The following NVL variants were observed in gnomAD, a reference collection of about 807,000 sequenced individuals.
NVL encodes the protein nuclear valosin-containing protein-like.
NVL carries 84 observed loss-of-function variants against 110.2 expected under a neutral mutation model. The ratio of observed to expected loss-of-function variants is 0.76; its 90% CI spans 0.64 to 0.91. The LOEUF is 0.91. Among genes scored for constraint, NVL ranks in the 40% least tolerant of loss-of-function variants. The pLI is 0.00. For synonymous variants in NVL, 354 were observed against 361.1 expected (o/e 0.98, Z 0.22); for missense variants, 882 against 1,035.9 (o/e 0.85, Z 2.04).
At chr1:224,329,154 TGA>T (rs1282530805) in intron 1 of NVL, among the ~76,000 whole-genome samples, 1 of 151,978 alleles carries the variant, frequency 6.6e-6, no homozygotes, top group Non-Finnish European at 1.5e-5. Flanking sequence ...GAGGGTGCAG[TGA>T]GTTATGATTG....
At chr1:224,282,403 T>A (rs1341323365) in intron 15 of NVL, among the ~76,000 whole-genome samples, 1 of 152,240 alleles carries the variant, frequency 6.6e-6, no homozygotes, top group Non-Finnish European at 1.5e-5. Context: ...TTTATAGCCC[T>A]AGTTTGGAAT....
chr1:224,236,660 C>T (rs1660517874), intron 19 of NVL, 78 bp from the exon 20 acceptor site: 1 of 1,236,678 alleles, frequency 8.1e-7, no homozygotes, highest in South Asian at 1.2e-5. Flanking sequence ...CTTGTAATCC[C>T]AGCACTTTGG....
intron 8 of NVL, 112 bp downstream of exon 8, chr1:224,304,624 C>G: frequency 2.2e-6 from 2 of 893,640 alleles, no homozygotes; most frequent in Non-Finnish European, 3.6e-6. Flanking sequence ...TCTCAACCTT[C>G]CCAGTTTCCT....
chr1:224,302,279 C>T (rs1344117356), intron 9 of NVL, among the ~76,000 whole-genome samples: 2 of 151,938 alleles, frequency 1.3e-5, no homozygotes, highest in Admixed American at 6.6e-5. Context: ...CTTGGCTCAC[C>T]GCGACCTCCG....
chr1:224,259,553 T>A (rs1663715347), intron 18 of NVL, among the ~76,000 whole-genome samples: 11 of 152,218 alleles, frequency 7.2e-5, no homozygotes, highest in Admixed American at 7.2e-4. Context: ...CTAGCAACAC[T>A]ATAAATATAT....
intron 19 of NVL, among the ~76,000 whole-genome samples, chr1:224,239,429 G>A (rs1660904248): frequency 6.6e-6 from 1 of 152,140 alleles, no homozygotes; most frequent in African/African-American, 2.4e-5. Flanking sequence ...ATGAAGACTA[G>A]CGTAGACTTT....
At chr1:224,236,406 C>T in intron 20 of NVL, 100 bp downstream of exon 20, 1 of 870,092 alleles carries the variant, frequency 1.1e-6, no homozygotes, top group Admixed American at 1.9e-5. Context: ...CTCATTTAAT[C>T]CTCCCAACAA....
chr1:224,243,336 C>T (rs1416646334), intron 19 of NVL, among the ~76,000 whole-genome samples: 3 of 151,822 alleles, frequency 2.0e-5, no homozygotes, highest in Admixed American at 6.6e-5. Context: ...TGGCACGTTC[C>T]TGTAGTCCCA....
At chr1:224,244,499 T>TCTCC (rs1661578277) in intron 19 of NVL, among the ~76,000 whole-genome samples, 1 of 151,734 alleles carries the variant, frequency 6.6e-6, no homozygotes, top group South Asian at 2.1e-4. Flanking sequence ...TGAGGTGGAG[T>TCTCC]CTCCCTCTGT....
At chr1:224,280,179 GT>G (rs1367873488) in intron 16 of NVL, among the ~76,000 whole-genome samples, 98 of 123,308 alleles carry the variant, frequency 7.9e-4, no homozygotes, top group East Asian at 1.3e-3. Flanking sequence ...GTTTTTTTTT[GT>G]TTTTTTTTTT....
At chr1:224,238,721 C>G (rs1660813449) in intron 19 of NVL, among the ~76,000 whole-genome samples, 1 of 152,132 alleles carries the variant, frequency 6.6e-6, no homozygotes, top group Non-Finnish European at 1.5e-5. Context: ...AAACAATTTT[C>G]AACCGAGTCA....
chr1:224,302,007 C>T (rs555872833), intron 9 of NVL, among the ~76,000 whole-genome samples: 6 of 152,036 alleles, frequency 3.9e-5, no homozygotes, highest in Non-Finnish European at 8.8e-5. Context: ...ATATGAATGA[C>T]TGTTTAATGT....
At position 224,275,465 on chromosome 1, in the gene NVL, A is replaced by G. The variant is rs752248863; in HGVS notation, c.1963-7T>C. ...GTTCACTCTCACCAACATACTAAACATACACAGAAAGGAAATAAAATACCA... is the reference window on the plus strand; with the variant it reads ...GTTCACTCTCACCAACATACTAAACGTACACAGAAAGGAAATAAAATACCA... On this transcript the variant is annotated splice_region_variant and splice_polypyrimidine_tract_variant and intron_variant, in intron 16 of 22. Transcript: ENST00000281701. The G allele has an allele frequency of 2.5e-6, 4 of 1,614,098 alleles. No homozygotes were observed. In the South Asian group the frequency reaches 3.3e-5, roughly 13 times the overall value.
At chr1:224,318,956 TC>T (rs1670359066) in intron 2 of NVL, among the ~76,000 whole-genome samples, 1 of 146,620 alleles carries the variant, frequency 6.8e-6, no homozygotes, top group South Asian at 2.1e-4. Context: ...GCCACTGCAC[TC>T]CAGCCTGGGC....
At chr1:224,239,944 C>T (rs1319867988) in intron 19 of NVL, among the ~76,000 whole-genome samples, 1 of 152,100 alleles carries the variant, frequency 6.6e-6, no homozygotes, top group Non-Finnish European at 1.5e-5. Flanking sequence ...TGTCACCAGG[C>T]TGGAGTGCAG....
chr1:224,281,312 T>TGTGA (rs1045612378), intron 15 of NVL, 127 bp from the exon 16 acceptor site: 45 of 748,960 alleles, frequency 6.0e-5, no homozygotes, highest in Non-Finnish European at 7.7e-5. Context: ...TGTGTGTGTG[T>TGTGA]GAGATTTAGA....
chr1:224,289,811 A>C, intron 12 of NVL, 78 bp from the exon 13 acceptor site: 1 of 1,411,344 alleles, frequency 7.1e-7, no homozygotes, highest in East Asian at 2.4e-5. Flanking sequence ...ATTTATTTGA[A>C]GTCCTTCACG....
chr1:224,329,861 C>T (rs1439004572), intron 1 of NVL, among the ~76,000 whole-genome samples: 1 of 152,166 alleles, frequency 6.6e-6, no homozygotes, highest in African/African-American at 2.4e-5. Flanking sequence ...ACCCTCCCAC[C>T]ATCCCCGGCT....
chr1:224,241,248 G>A (rs989437216), intron 19 of NVL, among the ~76,000 whole-genome samples: 1 of 152,156 alleles, frequency 6.6e-6, no homozygotes, highest in African/African-American at 2.4e-5. Context: ...TTATGTTTCT[G>A]ACTTATAGTA....
Sources: allele counts gnomAD v4.1 joint callset (sites outside exome capture counted in the v4.1 genomes callset), GRCh38; gene constraint gnomAD v4.1.1; transcripts MANE v1.5; gene names NCBI Gene and HGNC (gene_info 2026-07-23, HGNC 2026-07-21).